The following KLHDC1 variants were observed in gnomAD, a reference collection of about 807,000 sequenced individuals.
KLHDC1 encodes kelch domain-containing protein 1.
A neutral mutation model predicts 68.3 loss-of-function variants in KLHDC1; 53 were observed. The ratio of observed to expected loss-of-function variants is 0.78; its 90% CI spans 0.62 to 0.98. The LOEUF (loss-of-function observed/expected upper bound fraction) is 0.98, where lower values mean the gene tolerates loss of function less well. KLHDC1 is among the 50% of genes least tolerant of loss of function. The pLI is 0.00. For missense variants in KLHDC1, 470 were observed against 492.3 expected (o/e 0.95, Z 0.43); for synonymous variants, 148 against 159.0 (o/e 0.93, Z 0.52).
Position 49,740,174 on chromosome 14 carries a change from T to G in KLHDC1, c.973T>G (p.Leu325Val), listed in dbSNP as rs771734199. ...FGGSKDDLLA[L>V]DTGHCNDLLI... is the part of the protein sequence containing the mutation. ...TGGGAGCAAAGATGACTTACTTGCC[T>G]TGGATACAGTAAGAAAATCTTATAT... Residue 325 changes from leucine (L) to valine (V), a missense_variant, in exon 11 of 13, where the codon TTG becomes GTG. Coordinates refer to ENST00000359332, the MANE Select transcript of KLHDC1 (RefSeq NM_172193.3). 2.5e-6 allele frequency: 4 copies of G among 1,585,624 alleles called. No individual in the cohort carries two copies. The highest frequency in any genetic ancestry group is 1.7e-5 in the Admixed American group (1 of 58,994).
intron 10 of KLHDC1, among the ~76,000 whole-genome samples, chr14:49,735,582 A>G (rs1888912204): frequency 2.6e-5 from 4 of 152,056 alleles, no homozygotes; most frequent in Non-Finnish European, 5.9e-5. Context: ...GGAATGTATT[A>G]CTTTAACATT....
intron 8 of KLHDC1, among the ~76,000 whole-genome samples, chr14:49,732,022 T>C (rs1888821316): frequency 6.6e-6 from 1 of 152,144 alleles, no homozygotes; most frequent in Non-Finnish European, 1.5e-5. Context: ...CATAATATCC[T>C]TGGGGAAATC....
chr14:49,749,081 G>A (rs1167076202), intron 12 of KLHDC1, among the ~76,000 whole-genome samples: 1 of 151,946 alleles, frequency 6.6e-6, no homozygotes, highest in Non-Finnish European at 1.5e-5. Context: ...TTACAGGCGT[G>A]AGCCACCCCG....
Position 49,693,749 on chromosome 14 carries a change from T to TTTTTTC in KLHDC1, c.96+464_96+465insCTTTTT, listed in dbSNP as rs1491152998. On this transcript the variant is annotated intron_variant, in intron 1 of 12. Transcript: ENST00000359332. The stretch of plus-strand genomic sequence containing the variant: ...AAATATTTATTTTCTTTTCTTTTTC[T>TTTTTTC]TTTTTTTTTTTTTTTGAGATGGAGT... 3.8e-5 allele frequency among the ~76,000 whole-genome samples: 2 copies of TTTTTTC among 53,116 alleles called. 1 individual carries two copies. The highest frequency in any genetic ancestry group is 3.0e-3 in the East Asian group (2 of 672). 34.8% of individuals were successfully genotyped at this position (53,116 alleles called of 152,430 possible).
intron 8 of KLHDC1, among the ~76,000 whole-genome samples, chr14:49,730,422 A>G (rs1189382803): frequency 4.0e-5 from 6 of 151,832 alleles, no homozygotes; most frequent in Admixed American, 3.3e-4. Context: ...AGATTTCACC[A>G]TGTTGGCCAG....
chr14:49,734,233 G>A (rs576576019), intron 9 of KLHDC1, among the ~76,000 whole-genome samples: 2 of 152,194 alleles, frequency 1.3e-5, no homozygotes, highest in South Asian at 4.1e-4. Context: ...TTGGTTGACT[G>A]TGATAATGGC....
chr14:49,702,922 A>G (rs1887948489), intron 1 of KLHDC1, among the ~76,000 whole-genome samples: 1 of 152,184 alleles, frequency 6.6e-6, no homozygotes, highest in African/African-American at 2.4e-5. Context: ...TGTGGTGTGC[A>G]CCAGTGACCA....
intron 1 of KLHDC1, among the ~76,000 whole-genome samples, chr14:49,695,839 C>T (rs1183851240): frequency 2.0e-5 from 3 of 152,024 alleles, no homozygotes; most frequent in Non-Finnish European, 4.4e-5. Flanking sequence ...CCGAGGCAGG[C>T]GGATCACAAA....
intron 8 of KLHDC1, among the ~76,000 whole-genome samples, chr14:49,732,296 C>T (rs1888829322): frequency 6.6e-6 from 1 of 152,162 alleles, no homozygotes; most frequent in African/African-American, 2.4e-5. Context: ...CCTCAGCCTC[C>T]CGAGTAGCTG....
At chr14:49,712,168 T>G (rs574437195) in intron 4 of KLHDC1, among the ~76,000 whole-genome samples, 101 of 152,254 alleles carry the variant, frequency 6.6e-4, no homozygotes, top group African/African-American at 2.2e-3. Context: ...TCCACCCGCT[T>G]CAGCCTCCCA....
At chr14:49,749,441 G>A (rs1356833895) in intron 12 of KLHDC1, among the ~76,000 whole-genome samples, 4 of 152,058 alleles carry the variant, frequency 2.6e-5, no homozygotes. Flanking sequence ...GTCAAGGCAG[G>A]TGGATCACCC....
At chr14:49,742,204 G>A (rs923052098) in intron 11 of KLHDC1, among the ~76,000 whole-genome samples, 4 of 152,168 alleles carry the variant, frequency 2.6e-5, no homozygotes, top group Non-Finnish European at 5.9e-5. Flanking sequence ...AGGATACAAA[G>A]TTTATCATGA....
At chr14:49,739,997 A>G in intron 10 of KLHDC1, 101 bp from the exon 11 acceptor site, 1 of 636,836 alleles carries the variant, frequency 1.6e-6, no homozygotes, top group Non-Finnish European at 2.7e-6. Flanking sequence ...TCTCTTTTAA[A>G]TAGATTACAT....
intron 4 of KLHDC1, among the ~76,000 whole-genome samples, chr14:49,717,122 A>G (rs1888399579): frequency 1.3e-5 from 2 of 152,192 alleles, no homozygotes; most frequent in Non-Finnish European, 1.5e-5. Context: ...ATGTTGGTAG[A>G]TGCTTGGGTT....
chr14:49,697,331 A>G lies in KLHDC1; in HGVS notation c.96+4041A>G, dbSNP rs1013787800. 2.0e-5 allele frequency among the ~76,000 whole-genome samples: 3 copies of G among 152,206 alleles called. No homozygotes were observed. In the South Asian group the frequency reaches 6.2e-4, roughly 32 times the overall value. On this transcript the variant is annotated intron_variant, in intron 1 of 12. Coordinates refer to ENST00000359332, the MANE Select transcript of KLHDC1 (RefSeq NM_172193.3). ...GGTTGGTCAGTGGAATAGTCTGAAC[A>G]CACACATTTATCAGTTAAGTTCACC... is the stretch of plus-strand genomic sequence containing the variant.
At chr14:49,709,295 A>G (rs1730911625) in intron 2 of KLHDC1, 66 bp downstream of exon 2, 1 of 693,546 alleles carries the variant, frequency 1.4e-6, no homozygotes, top group Non-Finnish European at 2.5e-6. Flanking sequence ...TGTAGACTCT[A>G]GGGAATTTGA....
rs1476880529 is a variant in KLHDC1, at chr14:49,752,550, G to C, written c.*778G>C. On this transcript the variant is annotated 3_prime_UTR_variant, in exon 13 of 13. Transcript: ENST00000359332. ...ACATATTAAAATACATTTTGCCTTA[G>C]AAGACTGCTTCTAAAGTAATTTTTG... 6.6e-6 allele frequency: 1 copy of C among 152,428 alleles called. No individual in the cohort carries two copies. The highest frequency in any genetic ancestry group is 1.5e-5 in the Non-Finnish European group (1 of 67,936). The allele number at this position is 152,428 out of a possible 1,614,324, so 9.4% of individuals were successfully genotyped here.
chr14:49,703,532 G>A (rs1460354969), intron 1 of KLHDC1, among the ~76,000 whole-genome samples: 2 of 151,926 alleles, frequency 1.3e-5, no homozygotes, highest in African/African-American at 2.4e-5. Flanking sequence ...TAGTAGAAAC[G>A]GGGTTTCACC....
At chr14:49,713,939 G>A (rs1304070902) in intron 4 of KLHDC1, among the ~76,000 whole-genome samples, 2 of 143,338 alleles carry the variant, frequency 1.4e-5, no homozygotes, top group East Asian at 4.2e-4. Flanking sequence ...TGTAACCTCC[G>A]CTTCCTGGGT....
Sources: gnomAD v4.1 joint callset for allele counts (sites outside exome capture counted in the v4.1 genomes callset) on GRCh38, gnomAD v4.1.1 for gene constraint, MANE v1.5 for transcripts, NCBI Gene and HGNC (gene_info 2026-07-23, HGNC 2026-07-21) for gene names.